Variants in SAMD5 observed in about 807,000 individuals in gnomAD.
SAMD5 encodes the protein sterile alpha motif domain containing 5, also known as sterile alpha motif domain-containing protein 5.
In SAMD5, 13 loss-of-function variants were observed where a neutral mutation model predicts 11.3. That is an observed-to-expected ratio of 1.15 (90% CI 0.75 to 1.83). The LOEUF is 1.83. Ranked by LOEUF, SAMD5 falls within the 40% of genes most tolerant of loss-of-function variation. The pLI is 0.00. For missense variants in SAMD5, 255 were observed against 239.1 expected (o/e 1.07, Z -0.44); for synonymous variants, 129 against 111.3 (o/e 1.16, Z -1.00).
Position 147,569,749 on chromosome 6 carries a change from T to C in SAMD5, c.*5293T>C, listed in dbSNP as rs538271882. 1.0e-6 allele frequency: 1 copy of C among 985,460 alleles called. No individual in the cohort carries two copies. Among genetic ancestry groups the C allele is most frequent in the African/African-American group, 1.7e-5 (1 of 57,380 alleles). The allele number at this position is 985,460 out of a possible 1,614,324, so 61.0% of individuals were successfully genotyped here. A position where few individuals can be genotyped will look rare whatever the true frequency, so the allele number is the denominator to read the frequency against. On this transcript the variant is annotated 3_prime_UTR_variant, in exon 2 of 2. Coordinates refer to ENST00000367474, the MANE Select transcript of SAMD5 (RefSeq NM_001030060.3). The stretch of plus-strand genomic sequence containing the variant: ...GAAAATTTCTGCCCCTACAGAAGTG[T>C]GTGCATGGGCCTTGGAAAATCTACA...
At chr6:147,656,620 ATCT>A (rs1790571745) in intron 1 of SAMD5, among the ~76,000 whole-genome samples, 1 of 152,218 alleles carries the variant, frequency 6.6e-6, no homozygotes, top group Middle Eastern at 3.2e-3. Flanking sequence ...AGATGTTCAA[ATCT>A]TCTTCTCATT....
intron 1 of SAMD5, among the ~76,000 whole-genome samples, chr6:147,619,422 TGGCAGATATGCAGATACTCATGA>T (rs925718537): frequency 3.3e-5 from 5 of 152,178 alleles, no homozygotes; most frequent in Non-Finnish European, 5.9e-5. Flanking sequence ...ATAAGATCCA[TGGCAGATATGCAGATACTCATGA>T]GGCAGATACG....
At chr6:147,551,821 T>TATATATATAG (rs1422742524) in intron 1 of SAMD5, among the ~76,000 whole-genome samples, 3 of 66,800 alleles carry the variant, frequency 4.5e-5, no homozygotes, top group African/African-American at 1.7e-4. Context: ...GTTATATATA[T>TATATATATAG]ATATATATAT....
intron 1 of SAMD5, among the ~76,000 whole-genome samples, chr6:147,708,152 A>T (rs1043039595): frequency 1.3e-5 from 2 of 152,094 alleles, no homozygotes; most frequent in Admixed American, 1.3e-4. Context: ...GTCTTTATGG[A>T]GGGTACTTAA....
intron 1 of SAMD5, among the ~76,000 whole-genome samples, chr6:147,697,078 C>A (rs1169772244): frequency 3.3e-5 from 5 of 152,174 alleles, no homozygotes; most frequent in Non-Finnish European, 4.4e-5. Context: ...GCAGAGCACT[C>A]TCTGAGGTCC....
At chr6:147,584,979 TGTATGA>T (rs1789353753) in intron 1 of SAMD5, among the ~76,000 whole-genome samples, 1 of 151,910 alleles carries the variant, frequency 6.6e-6, no homozygotes, top group African/African-American at 2.4e-5. Flanking sequence ...GATGCCTAAA[TGTATGA>T]GTATACTAGA....
At chr6:147,620,652 C>T (rs1332330533) in intron 1 of SAMD5, among the ~76,000 whole-genome samples, 2 of 152,130 alleles carry the variant, frequency 1.3e-5, no homozygotes, top group Non-Finnish European at 2.9e-5. Flanking sequence ...ACTGTGTTCC[C>T]CAAAGAAGAG....
intron 1 of SAMD5, among the ~76,000 whole-genome samples, chr6:147,701,278 A>G (rs1791249224): frequency 6.6e-6 from 1 of 152,166 alleles, no homozygotes; most frequent in African/African-American, 2.4e-5. Flanking sequence ...TAAATATAAA[A>G]AATTATATAT....
intron 1 of SAMD5, among the ~76,000 whole-genome samples, chr6:147,653,239 A>C (rs1022945156): frequency 2.0e-5 from 3 of 152,230 alleles, no homozygotes; most frequent in Non-Finnish European, 4.4e-5. Flanking sequence ...AAATGGAGTT[A>C]AATAGACTTG....
chr6:147,831,777 C>G, the SAMD5 span, among the ~76,000 whole-genome samples: 1 of 151,992 alleles, frequency 6.6e-6, no homozygotes. Flanking sequence ...AATTTCTCAG[C>G]TGAATTTTTT....
rs191331853 is a variant in SAMD5, at chr6:147,569,370, A to T, written c.*4914A>T. The stretch of plus-strand genomic sequence containing the variant: ...GTTGAGAGATACCTTTTCAGAGGAA[A>T]ACAAGAGGCTAAATTCCATGTTAAG... On this transcript the variant is annotated 3_prime_UTR_variant, in exon 2 of 2. Transcript: ENST00000367474. The T allele has an allele frequency of 1.1e-6, 1 of 931,712 alleles. No individual in the cohort carries two copies. The highest frequency in any genetic ancestry group is 6.2e-5 in the Admixed American group (1 of 16,218). The allele number at this position is 931,712 out of a possible 1,614,324, so 57.7% of individuals were successfully genotyped here. A position where few individuals can be genotyped will look rare whatever the true frequency, so the allele number is the denominator to read the frequency against.
At chr6:147,829,513 A>C in the SAMD5 span, among the ~76,000 whole-genome samples, 2 of 152,248 alleles carry the variant, frequency 1.3e-5, no homozygotes, top group African/African-American at 2.4e-5. Flanking sequence ...ATTTTTGCTA[A>C]AATCTGGTAG....
the SAMD5 span, among the ~76,000 whole-genome samples, chr6:147,900,518 T>C: frequency 6.6e-6 from 1 of 152,192 alleles, no homozygotes; most frequent in African/African-American, 2.4e-5. Context: ...CAGCCCGTGA[T>C]GCTGATGCAA....
chr6:147,898,754 T>C, the SAMD5 span, among the ~76,000 whole-genome samples: 1 of 152,194 alleles, frequency 6.6e-6, no homozygotes, highest in South Asian at 2.1e-4. Flanking sequence ...ATGTAACTTA[T>C]GTATTCATAT....
rs375809187 is a variant in SAMD5, at chr6:147,596,202, T to C, written c.162+86815T>C. Among the ~76,000 whole-genome samples, 20 of 152,328 alleles carry C rather than the reference T, an allele frequency of 1.3e-4. No homozygotes were observed. In the East Asian group the frequency reaches 2.9e-3, roughly 22 times the overall value. On this transcript the variant is annotated intron_variant, in intron 1 of 1. Coordinates refer to the SAMD5 transcript ENST00000566741. ...TGCTTTCTCCTCTTTGCCAGGATTC[T>C]GTGTTTGTTGATTCTTTCTCCATTT...
At chr6:147,642,620 G>C (rs1247837752) in intron 1 of SAMD5, among the ~76,000 whole-genome samples, 2 of 152,146 alleles carry the variant, frequency 1.3e-5, no homozygotes, top group Non-Finnish European at 2.9e-5. Context: ...CGGCCATTTA[G>C]CCCAACCCTT....
chr6:147,752,235 G>T, the SAMD5 span, among the ~76,000 whole-genome samples: 4 of 152,172 alleles, frequency 2.6e-5, no homozygotes, highest in Admixed American at 2.0e-4. Context: ...TATCACCTCT[G>T]CCTTTAAAAA....
chr6:147,953,757 T>C, the SAMD5 span: 2 of 152,176 alleles, frequency 1.3e-5, no homozygotes, highest in African/African-American at 4.8e-5. Context: ...CAAATATGGG[T>C]CATAACATAT....
intron 1 of SAMD5, among the ~76,000 whole-genome samples, chr6:147,683,052 GAATA>G (rs1184895885): frequency 6.6e-6 from 1 of 152,110 alleles, no homozygotes; most frequent in Non-Finnish European, 1.5e-5. Context: ...TTCTTTCATT[GAATA>G]AATAGACAGA....
Sources: gnomAD v4.1 joint callset for allele counts (sites outside exome capture counted in the v4.1 genomes callset) on GRCh38, gnomAD v4.1.1 for gene constraint, MANE v1.5 for transcripts, NCBI Gene and HGNC (gene_info 2026-07-23, HGNC 2026-07-21) for gene names.